LIG1: variants seen among roughly 807,000 people sequenced by gnomAD.
LIG1 encodes the protein DNA ligase 1.
LIG1 carries 70 observed loss-of-function variants against 115.7 expected under a neutral mutation model. The ratio of observed to expected loss-of-function variants is 0.60; its 90% CI spans 0.50 to 0.74. The LOEUF is 0.74. Among genes scored for constraint, LIG1 ranks in the 30% least tolerant of loss-of-function variants. LIG1 has a pLI of 0.00. For synonymous variants in LIG1, 487 were observed against 495.3 expected (o/e 0.98, Z 0.22); for missense variants, 1,115 against 1,225.6 (o/e 0.91, Z 1.35).
intron 11 of LIG1, among the ~76,000 whole-genome samples, chr19:48,142,391 C>T (rs966087519): frequency 6.9e-6 from 1 of 145,768 alleles, no homozygotes; most frequent in Non-Finnish European, 1.5e-5. Flanking sequence ...GCAAGTGAGC[C>T]GAGATTGCGC....
At chr19:48,126,982 G>C in intron 21 of LIG1, 1 of 432,164 alleles carries the variant, frequency 2.3e-6, no homozygotes, top group Middle Eastern at 6.8e-4. Flanking sequence ...TGGCTTAACA[G>C]AGGCTGGATT....
chr19:48,127,416 C>T (rs2033742173), intron 20 of LIG1, 68 bp from the exon 21 acceptor site: 50 of 1,372,460 alleles, frequency 3.6e-5, no homozygotes, highest in Non-Finnish European at 5.1e-5. Context: ...CTGAGGCCGA[C>T]AGCATTCATC....
intron 11 of LIG1, 133 bp downstream of exon 11, chr19:48,143,410 C>G: frequency 1.2e-6 from 1 of 854,590 alleles, no homozygotes. Context: ...GTCTGACATC[C>G]ATGATCATAC....
rs202150273 is a variant in LIG1, at chr19:48,139,995, G to A, written c.1063C>T (p.Leu355Phe). 1.4e-5 allele frequency: 23 copies of A among 1,614,142 alleles called. No homozygotes were observed. The East Asian group carries it at 4.9e-4, about 34-fold the overall frequency. The change falls in exon 12 of 28, where the codon CTC (leucine) becomes TTC (phenylalanine). Residue 355 changes from leucine (L) to phenylalanine (F), a missense_variant. Coordinates refer to ENST00000263274, the MANE Select transcript of LIG1 (RefSeq NM_000234.3). ...LELGVGDGVL[L>F]KAVAQATGRQ... ...CCTGTGGCCTGGGCCACTGCCTTGA[G>A]AAGGACACCATCACCCACGCCAAGC... is the stretch of plus-strand genomic sequence containing the variant.
At chr19:48,120,113 A>C in intron 24 of LIG1, 1 of 900,972 alleles carries the variant, frequency 1.1e-6, no homozygotes, top group Non-Finnish European at 1.3e-6. Flanking sequence ...GATTTATAAA[A>C]GTCACTTCTG....
At chr19:48,121,524 G>A (rs907006124) in intron 23 of LIG1, among the ~76,000 whole-genome samples, 1 of 152,190 alleles carries the variant, frequency 6.6e-6, no homozygotes, top group Non-Finnish European at 1.5e-5. Flanking sequence ...AAATGGGGCC[G>A]GGCACGGTGG....
At chr19:48,160,250 T>A (rs962146708) in intron 4 of LIG1, among the ~76,000 whole-genome samples, 2 of 151,956 alleles carry the variant, frequency 1.3e-5, no homozygotes, top group African/African-American at 4.8e-5. Flanking sequence ...CTAACATAGG[T>A]GGTGAGGAAA....
At position 48,115,492 on chromosome 19, in the gene LIG1, A is replaced by G; in HGVS notation, c.*157T>C. The G allele has an allele frequency of 1.5e-6, 1 of 653,888 alleles. No individual in the cohort carries two copies. The highest frequency in any genetic ancestry group is 2.7e-5 in the East Asian group (1 of 36,542). 40.5% of individuals were successfully genotyped at this position (653,888 alleles called of 1,614,324 possible). A position where few individuals can be genotyped will look rare whatever the true frequency, so the allele number is the denominator to read the frequency against. On this transcript the variant is annotated 3_prime_UTR_variant, in exon 28 of 28. Coordinates refer to ENST00000263274, the MANE Select transcript of LIG1 (RefSeq NM_000234.3). ...TGAAAGAAATGACGGGATGAATCCCAGACTCCGGAGTAAGCCACCCCCTCA... is the reference window on the plus strand; with the variant it reads ...TGAAAGAAATGACGGGATGAATCCCGGACTCCGGAGTAAGCCACCCCCTCA...
rs2036472617 is a variant in LIG1, at chr19:48,166,188, G to C, written c.-57-565C>G. Among the ~76,000 whole-genome samples, 5 of 152,312 alleles carry C rather than the reference G, an allele frequency of 3.3e-5. No individual in the cohort carries two copies. In the South Asian group the frequency reaches 1.0e-3, roughly 32 times the overall value. The stretch of plus-strand genomic sequence containing the variant: ...GAGGTGGGTGGATCACTTGAGGTCA[G>C]GAGTTCAAGACCAGCCTGGCTAACA... On this transcript the variant is annotated intron_variant, in intron 1 of 27. Transcript: ENST00000263274.
chr19:48,151,585 A>G (rs761168593), intron 6 of LIG1, among the ~76,000 whole-genome samples: 27 of 152,106 alleles, frequency 1.8e-4, no homozygotes, highest in Non-Finnish European at 2.6e-4. Flanking sequence ...GCCCACCACC[A>G]CATCCAGCTA....
chr19:48,161,826 CT>C lies in LIG1; in HGVS notation c.108-320del, dbSNP rs34448490. Among the ~76,000 whole-genome samples the C allele has an allele frequency of 1.9e-3, 233 of 123,464 alleles. 1 individual carries two copies. The highest frequency in any genetic ancestry group is 3.3e-3 in the East Asian group (13 of 3,996). 81.0% of individuals were successfully genotyped at this position (123,464 alleles called of 152,430 possible). On this transcript the variant is annotated intron_variant, in intron 3 of 27. Coordinates refer to ENST00000263274, the MANE Select transcript of LIG1 (RefSeq NM_000234.3). ...TGGTCTCCAGCATCTATTGGGATGCCTTTTTTTTTTTTTTTTTGAGATGGAA... is the reference window on the plus strand; with the variant it reads ...TGGTCTCCAGCATCTATTGGGATGCCTTTTTTTTTTTTTTTTGAGATGGAA...
intron 4 of LIG1, 38 bp downstream of exon 4, chr19:48,161,334 T>C (rs748959599): frequency 6.2e-7 from 1 of 1,613,944 alleles, no homozygotes; most frequent in South Asian, 1.1e-5. Context: ...GGGAATTAGT[T>C]TCTTCTGGTA....
chr19:48,126,933 A>AT (rs1352192292), intron 21 of LIG1: 3 of 319,456 alleles, frequency 9.4e-6, no homozygotes, highest in Non-Finnish European at 1.8e-5. Context: ...TGGTGAGACT[A>AT]GAGGCATTAT....
rs753762673 is a variant in LIG1, at chr19:48,122,944, T to C, written c.2222A>G (p.Asn741Ser). The C allele has an allele frequency of 4.3e-6, 7 of 1,612,954 alleles. No individual in the cohort carries two copies. The highest frequency in any genetic ancestry group is 1.1e-5 in the South Asian group (1 of 90,986). Residue 741 changes from asparagine to serine, a missense_variant, in exon 23 of 28, where the codon AAC becomes AGC. Transcript: ENST00000263274. This position sits in a 1 kb window ranked among gnomAD's most constrained non-coding sequence, Gnocchi z 4.3. The stretch of plus-strand genomic sequence containing the variant: ...GGGGTCGAGAATCACCTTGAGCCAG[T>C]TGTGCGATCTCTTGGCGATCTCGTA... ...ATYEIAKRSH[N>S]WLKLKKDYLD...
chr19:48,117,373 T>G (rs1330166565), intron 26 of LIG1, among the ~76,000 whole-genome samples: 4 of 151,760 alleles, frequency 2.6e-5, no homozygotes, highest in Non-Finnish European at 5.9e-5. Context: ...TTGGCCAGGC[T>G]GGCCTTGAAC....
At chr19:48,152,267 C>T (rs770440525) in intron 6 of LIG1, among the ~76,000 whole-genome samples, 2 of 152,058 alleles carry the variant, frequency 1.3e-5, no homozygotes, top group South Asian at 4.1e-4. Context: ...GGACTACAGG[C>T]GCATGCCACC....
At chr19:48,134,149 A>G in intron 16 of LIG1, 83 bp from the exon 17 acceptor site, 3 of 1,267,652 alleles carry the variant, frequency 2.4e-6, no homozygotes, top group Non-Finnish European at 3.4e-6. Context: ...CTGCTCCCAG[A>G]AGCCTGGGCT....
chr19:48,139,452 T>G (rs1015720472), intron 12 of LIG1, among the ~76,000 whole-genome samples: 5 of 152,134 alleles, frequency 3.3e-5, no homozygotes, highest in Non-Finnish European at 5.9e-5. Context: ...GCCCCTTGCC[T>G]GCTCACAATC....
chr19:48,141,179 G>A (rs1030910458), intron 11 of LIG1, among the ~76,000 whole-genome samples: 2 of 152,294 alleles, frequency 1.3e-5, no homozygotes, highest in African/African-American at 4.8e-5. Flanking sequence ...TCGCTCCATC[G>A]CCCAAGGTAG....
Sources: gnomAD v4.1 joint callset for allele counts (sites outside exome capture counted in the v4.1 genomes callset) on GRCh38, gnomAD v4.1.1 for gene constraint, Gnocchi (gnomAD v3.1) non-coding constraint, MANE v1.5 for transcripts, NCBI Gene and HGNC (gene_info 2026-07-23, HGNC 2026-07-21) for gene names.